The following GALNT17 variants were observed in gnomAD, a reference collection of about 807,000 sequenced individuals.
GALNT17 encodes polypeptide N-acetylgalactosaminyltransferase 17, also known as UDP-GalNAc:polypeptide N-acetylgalactosaminyltransferase-like 3.
Under a neutral mutation model 63.7 loss-of-function variants are expected in GALNT17, and 29 were observed. The observed-to-expected ratio is 0.46, with a 90% confidence interval of 0.34 to 0.62. The LOEUF is 0.62. GALNT17 is among the 20% of genes least tolerant of loss of function. The pLI, the probability that GALNT17 is intolerant of heterozygous loss-of-function variation, is 0.01. For missense variants in GALNT17, 603 were observed against 799.6 expected, an observed-to-expected ratio of 0.75 and a Z score of 2.97; for synonymous variants, 305 against 318.3, an observed-to-expected ratio of 0.96 and a Z score of 0.45.
At chr7:71,432,132 G>T (rs533766341) in intron 5 of GALNT17, among the ~76,000 whole-genome samples, 2 of 151,848 alleles carry the variant, frequency 1.3e-5, no homozygotes, top group African/African-American at 4.8e-5. Context: ...CCGAGATCAC[G>T]CCATTGCACT....
intron 5 of GALNT17, among the ~76,000 whole-genome samples, chr7:71,515,989 C>G (rs34336498): frequency 0.054 from 8,176 of 152,088 alleles, 455 homozygotes; most frequent in African/African-American, 0.14. Flanking sequence ...TGTTGCATAT[C>G]AAAGGAGGGA....
chr7:71,448,357 A>ATGTGTGTGTG (rs113851150), intron 5 of GALNT17, among the ~76,000 whole-genome samples: 5 of 147,588 alleles, frequency 3.4e-5, no homozygotes, highest in African/African-American at 1.2e-4. Flanking sequence ...CTTCGTGTGT[A>ATGTGTGTGTG]TGTGTGTGTG....
At chr7:71,633,158 G>T (rs1790481261) in intron 6 of GALNT17, among the ~76,000 whole-genome samples, 1 of 151,864 alleles carries the variant, frequency 6.6e-6, no homozygotes, top group African/African-American at 2.4e-5. Context: ...AGTTCTAGGG[G>T]GTGCTTAAAT....
rs1792984767 is a variant in GALNT17, at chr7:71,388,242, G to C, written c.430G>C (p.Glu144Gln). 5.6e-6 allele frequency: 9 copies of C among 1,613,504 alleles called. No homozygotes were observed. The highest frequency in any genetic ancestry group is 7.6e-6 in the Non-Finnish European group (9 of 1,179,806). ...IPDYRPTKCK[E>Q]LKYSKDLPQI... is the part of the protein sequence containing the mutation. ...CGATCTCTCCTTCCCCAGGTGTAAG[G>C]AGCTCAAGTACTCCAAGGACCTGCC... Residue 144 changes from glutamate (E) to glutamine (Q), a missense_variant, in exon 3 of 11, where the codon GAG becomes CAG. By Grantham distance (29) the Glu-to-Gln change is conservative. Around this residue, in one of 3 missense-constraint regions of GALNT17, gnomAD observed 195 missense variants for 215.0 expected, o/e 0.91. Transcript: ENST00000333538.
At chr7:71,189,705 A>ACT (rs1237447173) in intron 1 of GALNT17, among the ~76,000 whole-genome samples, 23 of 151,444 alleles carry the variant, frequency 1.5e-4, no homozygotes, top group Non-Finnish European at 3.1e-4. Context: ...CCTGGCTACA[A>ACT]CTCTGCTTCA....
intron 1 of GALNT17, among the ~76,000 whole-genome samples, chr7:71,291,430 C>G (rs887130308): frequency 6.6e-6 from 1 of 152,130 alleles, no homozygotes; most frequent in Non-Finnish European, 1.5e-5. Context: ...TGATTAGAAT[C>G]CAATTCCATG....
chr7:71,240,972 TC>T (rs1237234954), intron 1 of GALNT17, among the ~76,000 whole-genome samples: 1 of 152,182 alleles, frequency 6.6e-6, no homozygotes, highest in Non-Finnish European at 1.5e-5. Flanking sequence ...ATTTTCTTTA[TC>T]CAGTCCACTG....
intron 6 of GALNT17, among the ~76,000 whole-genome samples, chr7:71,640,138 T>C (rs577618235): frequency 1.4e-3 from 214 of 152,336 alleles, no homozygotes; most frequent in South Asian, 4.4e-3. Flanking sequence ...CACTCCAGTA[T>C]TGATGGTAAA....
chr7:71,442,274 G>A (rs1361808605), intron 5 of GALNT17, among the ~76,000 whole-genome samples: 1 of 152,066 alleles, frequency 6.6e-6, no homozygotes, highest in African/African-American at 2.4e-5. Context: ...TCAGCTCACT[G>A]CAAGCTCTGC....
At chr7:71,309,278 G>A (rs564005408) in intron 1 of GALNT17, among the ~76,000 whole-genome samples, 101 of 151,938 alleles carry the variant, frequency 6.6e-4, no homozygotes, top group African/African-American at 2.4e-3. Context: ...ATGACCCTTG[G>A]CAGTCTAATT....
intron 5 of GALNT17, among the ~76,000 whole-genome samples, chr7:71,497,508 A>G (rs1788115422): frequency 6.6e-6 from 1 of 152,034 alleles, no homozygotes; most frequent in South Asian, 2.1e-4. Flanking sequence ...ATTACGGCCC[A>G]CTCTAATACC....
At chr7:71,151,377 T>G (rs567756473) in intron 1 of GALNT17, among the ~76,000 whole-genome samples, 1 of 152,130 alleles carries the variant, frequency 6.6e-6, no homozygotes, top group South Asian at 2.1e-4. Flanking sequence ...GTCCCAGCAC[T>G]TTGGGAGGCC....
chr7:71,513,691 G>T (rs1364084799), intron 5 of GALNT17, among the ~76,000 whole-genome samples: 1 of 151,386 alleles, frequency 6.6e-6, no homozygotes, highest in Non-Finnish European at 1.5e-5. Flanking sequence ...CGGCCCCTTG[G>T]CTATTTTTTT....
At chr7:71,679,585 A>C (rs1258524801) in intron 9 of GALNT17, among the ~76,000 whole-genome samples, 3 of 152,080 alleles carry the variant, frequency 2.0e-5, no homozygotes, top group South Asian at 2.1e-4. Context: ...CAGTAGAATA[A>C]GCGTAACCCA....
chr7:71,232,354 G>C (rs1789806043), intron 1 of GALNT17, among the ~76,000 whole-genome samples: 1 of 152,146 alleles, frequency 6.6e-6, no homozygotes, highest in South Asian at 2.1e-4. Flanking sequence ...TTGGTGGTCA[G>C]GGTCAGTGGG....
chr7:71,711,003 T>A, intron 10 of GALNT17, 75 bp downstream of exon 10: 1 of 1,521,320 alleles, frequency 6.6e-7, no homozygotes, highest in East Asian at 2.4e-5. Context: ...GAATCCTGCT[T>A]CCCCAGGGGT....
intron 1 of GALNT17, among the ~76,000 whole-genome samples, chr7:71,263,649 A>C (rs867577825): frequency 2.6e-4 from 40 of 152,098 alleles, no homozygotes; most frequent in East Asian, 7.8e-4. Context: ...TCTGGCCGGG[A>C]GCGGTGGCTC....
At chr7:71,443,442 C>T (rs373723303) in intron 5 of GALNT17, among the ~76,000 whole-genome samples, 3 of 152,316 alleles carry the variant, frequency 2.0e-5, no homozygotes, top group African/African-American at 7.2e-5. Flanking sequence ...GGACAGACCC[C>T]TCATGAATGG....
intron 1 of GALNT17, among the ~76,000 whole-genome samples, chr7:71,234,032 C>A (rs1003971119): frequency 6.6e-6 from 1 of 152,112 alleles, no homozygotes; most frequent in Non-Finnish European, 1.5e-5. Flanking sequence ...AATCTGCCCC[C>A]GTGATCCAGT....
Sources: allele counts gnomAD v4.1 joint callset (sites outside exome capture counted in the v4.1 genomes callset), GRCh38; gene constraint gnomAD v4.1.1; regional missense constraint gnomAD v4.1.1; transcripts MANE v1.5; gene names NCBI Gene and HGNC (gene_info 2026-07-23, HGNC 2026-07-21).